Variants in OSBPL10 observed in about 807,000 individuals in gnomAD.
OSBPL10 encodes oxysterol binding protein like 10, also known as oxysterol-binding protein-related protein 10.
A neutral mutation model predicts 81.7 loss-of-function variants in OSBPL10; 49 were observed. The ratio of observed to expected loss-of-function variants is 0.60; its 90% CI spans 0.48 to 0.76. The LOEUF (loss-of-function observed/expected upper bound fraction) is 0.76, where lower values mean the gene tolerates loss of function less well. OSBPL10 is among the 30% of genes least tolerant of loss of function. The pLI, the probability that OSBPL10 is intolerant of heterozygous loss-of-function variation, is 0.00. For synonymous variants in OSBPL10, 419 were observed against 383.6 expected, an observed-to-expected ratio of 1.09 and a Z score of -1.08; for missense variants, 923 against 987.8, an observed-to-expected ratio of 0.93 and a Z score of 0.88.
At chr3:31,833,022 T>C (rs1700284323) in intron 3 of OSBPL10, among the ~76,000 whole-genome samples, 1 of 152,210 alleles carries the variant, frequency 6.6e-6, no homozygotes, top group African/African-American at 2.4e-5. Context: ...GACTTGGACA[T>C]AATGAATTGG....
chr3:31,890,736 A>G (rs1337767952), intron 1 of OSBPL10, among the ~76,000 whole-genome samples: 1 of 152,148 alleles, frequency 6.6e-6, no homozygotes, highest in Non-Finnish European at 1.5e-5. Flanking sequence ...ATATTGCCTC[A>G]TTTCCCTCTG....
chr3:32,019,673 A>AT lies in OSBPL10; in HGVS notation n.298+26817dup, dbSNP rs1699344436. Among the ~76,000 whole-genome samples, 13 of 152,312 alleles carry AT rather than the reference A, an allele frequency of 8.5e-5. 1 individual carries two copies. In the South Asian group the frequency reaches 2.7e-3, roughly 32 times the overall value. Reference sequence around the variant, plus strand: ...TTTGTAAATATCTAACTAAAAATGAATTTTTTTAAAAAAGATTCAACACAA... The same window carrying AT: ...TTTGTAAATATCTAACTAAAAATGAATTTTTTTTAAAAAAGATTCAACACAA... On this transcript the variant is annotated intron_variant and non_coding_transcript_variant, in intron 2 of 3. Transcript: ENST00000479173.
At chr3:31,912,184 A>T (rs1467148082) in intron 1 of OSBPL10, among the ~76,000 whole-genome samples, 2 of 152,152 alleles carry the variant, frequency 1.3e-5, no homozygotes, top group African/African-American at 4.8e-5. Flanking sequence ...TCATGAGGTC[A>T]GGAGTTTGAG....
intron 2 of OSBPL10, among the ~76,000 whole-genome samples, chr3:32,026,969 G>T (rs78201096): frequency 0.023 from 3,537 of 152,262 alleles, 78 homozygotes; most frequent in East Asian, 0.098. Flanking sequence ...TTGAATGCTA[G>T]GACCCTAGCT....
At chr3:31,748,201 A>G (rs1697594841) in intron 4 of OSBPL10, 81 bp from the exon 5 acceptor site, 3 of 1,285,732 alleles carry the variant, frequency 2.3e-6, no homozygotes, top group Non-Finnish European at 3.3e-6. Context: ...AAACCACAGA[A>G]GTGGGTAAAA....
Position 32,053,003 on chromosome 3 carries a change from G to A in OSBPL10, n.186-6400C>T, listed in dbSNP as rs889672391. ...AATTGATTGACTTACCTGCCTTGGAGCCAGTAGATTCTAGGTAAGGCCTGG... is the reference window on the plus strand; with the variant it reads ...AATTGATTGACTTACCTGCCTTGGAACCAGTAGATTCTAGGTAAGGCCTGG... On this transcript the variant is annotated intron_variant and non_coding_transcript_variant, in intron 1 of 3. Transcript: ENST00000479173. Among the ~76,000 whole-genome samples the A allele has an allele frequency of 8.5e-5, 13 of 152,248 alleles. No homozygotes were observed. In the East Asian group the frequency reaches 1.9e-3, roughly 23 times the overall value.
chr3:31,754,988 T>C (rs1048417124), intron 4 of OSBPL10, among the ~76,000 whole-genome samples: 1 of 152,204 alleles, frequency 6.6e-6, no homozygotes, highest in Non-Finnish European at 1.5e-5. Flanking sequence ...ACATAGGTCC[T>C]GGCCTGCTTG....
intron 4 of OSBPL10, among the ~76,000 whole-genome samples, chr3:31,804,006 G>GA (rs1357392549): frequency 6.6e-6 from 1 of 152,162 alleles, no homozygotes; most frequent in Non-Finnish European, 1.5e-5. Context: ...TCTACAGGGA[G>GA]ATACTTTGAG....
chr3:31,857,828 GA>G (rs1700962686), intron 3 of OSBPL10, among the ~76,000 whole-genome samples: 9 of 131,824 alleles, frequency 6.8e-5, no homozygotes, highest in African/African-American at 9.2e-5. Flanking sequence ...GGGAGAGGGA[GA>G]GGGAGAGGGA....
chr3:32,004,900 T>C (rs1699189102), intron 2 of OSBPL10, among the ~76,000 whole-genome samples: 1 of 152,212 alleles, frequency 6.6e-6, no homozygotes, highest in Non-Finnish European at 1.5e-5. Flanking sequence ...GTCATCAGCC[T>C]GTTTTATTTT....
At chr3:31,892,928 T>C (rs1559507911) in intron 1 of OSBPL10, among the ~76,000 whole-genome samples, 1 of 152,154 alleles carries the variant, frequency 6.6e-6, no homozygotes, top group Non-Finnish European at 1.5e-5. Flanking sequence ...TTTTCATGTA[T>C]CTGTTAACCG....
intron 9 of OSBPL10, 30 bp from the exon 10 acceptor site, chr3:31,668,854 T>A (rs753828998): frequency 2.9e-5 from 43 of 1,500,138 alleles, no homozygotes; most frequent in Non-Finnish European, 3.8e-5. Context: ...GAGTACACAC[T>A]TTTCAAAATG....
chr3:32,038,471 G>A (rs1699541044), intron 2 of OSBPL10, among the ~76,000 whole-genome samples: 1 of 152,106 alleles, frequency 6.6e-6, no homozygotes, highest in African/African-American at 2.4e-5. Flanking sequence ...ACAGGCGTGT[G>A]CCACCACACC....
At chr3:32,070,270 C>G (rs72858472) in intron 1 of OSBPL10, among the ~76,000 whole-genome samples, 7,138 of 152,224 alleles carry the variant, frequency 0.047, 259 homozygotes, top group African/African-American at 0.1. Context: ...AGCTTCAAAA[C>G]CCCTTAAAAC....
intron 7 of OSBPL10, among the ~76,000 whole-genome samples, chr3:31,691,520 G>A (rs575247444): frequency 6.6e-6 from 1 of 152,226 alleles, no homozygotes; most frequent in South Asian, 2.1e-4. Flanking sequence ...TGGAGTTCAA[G>A]ACCAACCTGG....
At chr3:32,018,984 A>G (rs1436516757) in intron 2 of OSBPL10, among the ~76,000 whole-genome samples, 2 of 152,212 alleles carry the variant, frequency 1.3e-5, no homozygotes, top group East Asian at 3.9e-4. Flanking sequence ...AATGAAGAGG[A>G]CCAGGAGTGG....
intron 2 of OSBPL10, among the ~76,000 whole-genome samples, chr3:32,034,302 A>G (rs1174739675): frequency 6.6e-6 from 1 of 152,012 alleles, no homozygotes; most frequent in Non-Finnish European, 1.5e-5. Context: ...TTAGCCAGGT[A>G]TGGTGGCCCC....
At chr3:32,067,221 A>T (rs971124691) in intron 1 of OSBPL10, among the ~76,000 whole-genome samples, 6 of 152,000 alleles carry the variant, frequency 3.9e-5, no homozygotes, top group South Asian at 2.1e-4. Context: ...TTTAATTTAA[A>T]TTTTTTTGTA....
Position 31,675,943 on chromosome 3 carries a change from C to T in OSBPL10, c.1727-4960G>A, listed in dbSNP as rs565865224. On this transcript the variant is annotated intron_variant, in intron 8 of 11. Coordinates refer to ENST00000396556, the MANE Select transcript of OSBPL10 (RefSeq NM_017784.5). ...CCTGGGCGACAGAGCGAGACTCCAT[C>T]TCAAAAAAAAAAAAAAAAAAAAGAG... is the stretch of plus-strand genomic sequence containing the variant. 9.1e-3 allele frequency among the ~76,000 whole-genome samples: 974 copies of T among 107,406 alleles called. 10 individuals are homozygous for T. Among genetic ancestry groups the T allele is most frequent in the Admixed American group, 0.015 (167 of 10,976 alleles). 70.5% of individuals were successfully genotyped at this position (107,406 alleles called of 152,430 possible).
Sources: gnomAD v4.1 joint callset for allele counts (sites outside exome capture counted in the v4.1 genomes callset) on GRCh38, gnomAD v4.1.1 for gene constraint, MANE v1.5 for transcripts, NCBI Gene and HGNC (gene_info 2026-07-23, HGNC 2026-07-21) for gene names.